The following MAML3 variants were observed in gnomAD, a reference collection of about 807,000 sequenced individuals.
The protein encoded by MAML3 is mastermind like transcriptional coactivator 3, also known as mastermind-like protein 3.
A neutral mutation model predicts 101.9 loss-of-function variants in MAML3; 27 were observed. The observed-to-expected ratio is 0.27, with a 90% CI of 0.20 to 0.37. The LOEUF (loss-of-function observed/expected upper bound fraction) is 0.37, where lower values mean the gene tolerates loss of function less well. Ranked by LOEUF, MAML3 falls within the 10% of genes least tolerant of loss-of-function variation. The probability of loss-of-function intolerance (pLI) is 1.00; values close to 1 mark genes in which losing one functional copy is unlikely to be tolerated. For synonymous variants in MAML3, 501 were observed against 555.9 expected (o/e 0.90, Z 1.39); for missense variants, 1,316 against 1,444.9 (o/e 0.91, Z 1.45).
intron 1 of MAML3, chr4:140,127,954 C>A (rs1728709907): frequency 6.6e-6 from 1 of 152,186 alleles, no homozygotes; most frequent in South Asian, 2.1e-4. Flanking sequence ...GTCAAAGTGA[C>A]CTATTGTGAC....
chr4:139,745,797 TTTGACAGGGAGTAGAACA>T (rs1729301176), intron 2 of MAML3, among the ~76,000 whole-genome samples: 1 of 152,238 alleles, frequency 6.6e-6, no homozygotes, highest in Non-Finnish European at 1.5e-5. Flanking sequence ...CCACCTGGTT[TTTGACAGGGAGTAGAACA>T]GTAGGTATAT....
At chr4:139,948,198 A>G (rs183353366) in intron 1 of MAML3, among the ~76,000 whole-genome samples, 43 of 152,270 alleles carry the variant, frequency 2.8e-4, no homozygotes, top group African/African-American at 1.0e-3. Flanking sequence ...ACAAAAGTCT[A>G]TGTGGAAAAA....
intron 1 of MAML3, among the ~76,000 whole-genome samples, chr4:140,139,985 T>C (rs896759857): frequency 6.6e-6 from 1 of 152,164 alleles, no homozygotes; most frequent in Non-Finnish European, 1.5e-5. Context: ...GGAAAAGTTG[T>C]AGGTTGAAAT....
intron 2 of MAML3, among the ~76,000 whole-genome samples, chr4:139,878,789 CCT>C: frequency 6.6e-6 from 1 of 152,270 alleles, no homozygotes; most frequent in Admixed American, 6.5e-5. Context: ...TTGTGGCTGA[CCT>C]CTGTGCCTGA....
At chr4:139,835,857 A>G (rs1156418145) in intron 2 of MAML3, among the ~76,000 whole-genome samples, 1 of 152,226 alleles carries the variant, frequency 6.6e-6, no homozygotes, top group East Asian at 1.9e-4. Flanking sequence ...AAAGGAAGTC[A>G]ATTTAAACGC....
At chr4:139,726,829 T>C (rs888382329) in intron 3 of MAML3, among the ~76,000 whole-genome samples, 17 of 152,222 alleles carry the variant, frequency 1.1e-4, no homozygotes, top group African/African-American at 3.9e-4. Flanking sequence ...CTGGGAAGGC[T>C]ATTATCATTA....
chr4:139,721,838 G>A (rs925442361), intron 4 of MAML3, among the ~76,000 whole-genome samples: 2 of 152,170 alleles, frequency 1.3e-5, no homozygotes, highest in South Asian at 4.1e-4. Flanking sequence ...ACACTGGAAG[G>A]TAGTATATAC....
At chr4:140,069,544 AGGAGGAGGAGGAGG>A (rs1201924691) in intron 1 of MAML3, among the ~76,000 whole-genome samples, 910 of 88,746 alleles carry the variant, frequency 0.01, 43 homozygotes, top group African/African-American at 0.04. Flanking sequence ...AGGAAGAAGA[AGGAGGAGGAGGAGG>A]GGAGGAGGAG....
intron 2 of MAML3, among the ~76,000 whole-genome samples, chr4:139,739,428 T>C (rs1468644693): frequency 6.6e-6 from 1 of 152,242 alleles, no homozygotes; most frequent in Non-Finnish European, 1.5e-5. Context: ...AGAGTTATGC[T>C]TTTCGTCTGC....
At chr4:140,065,769 C>T (rs540949737) in intron 1 of MAML3, among the ~76,000 whole-genome samples, 21 of 152,252 alleles carry the variant, frequency 1.4e-4, no homozygotes, top group African/African-American at 5.1e-4. Context: ...CAATTGAATC[C>T]ATGTGAGATT....
At chr4:139,914,538 G>A (rs1457663954) in intron 1 of MAML3, among the ~76,000 whole-genome samples, 2 of 152,096 alleles carry the variant, frequency 1.3e-5, no homozygotes, top group Non-Finnish European at 2.9e-5. Context: ...TGTAAAGGTG[G>A]CAGGTCTCTC....
intron 1 of MAML3, among the ~76,000 whole-genome samples, chr4:140,104,603 T>C (rs1453647827): frequency 6.7e-6 from 1 of 149,016 alleles, no homozygotes; most frequent in Non-Finnish European, 1.5e-5. Flanking sequence ...AGTGATCCTC[T>C]TACCTCAGCC....
At chr4:139,978,957 C>T (rs755528436) in intron 1 of MAML3, among the ~76,000 whole-genome samples, 1 of 68,728 alleles carries the variant, frequency 1.5e-5, no homozygotes, top group African/African-American at 4.0e-5. Flanking sequence ...TCTATGACTA[C>T]TTTCAAAGAG....
intron 1 of MAML3, among the ~76,000 whole-genome samples, chr4:140,088,201 A>T (rs901427717): frequency 1.3e-5 from 2 of 151,902 alleles, no homozygotes; most frequent in African/African-American, 4.8e-5. Context: ...CTGGGCAAAA[A>T]AGTGTGATGG....
chr4:139,730,298 G>A (rs890657156), intron 3 of MAML3, 118 bp downstream of exon 3: 3 of 881,820 alleles, frequency 3.4e-6, no homozygotes, highest in African/African-American at 3.3e-5. Context: ...CCTGGGAAAT[G>A]CTAGACCGTG....
intron 1 of MAML3, among the ~76,000 whole-genome samples, chr4:140,111,966 AT>A (rs1728445713): frequency 6.6e-6 from 1 of 152,138 alleles, no homozygotes; most frequent in African/African-American, 2.4e-5. Context: ...TCATTCCTTT[AT>A]AGACTGACCC....
intron 2 of MAML3, among the ~76,000 whole-genome samples, chr4:139,801,643 G>GT (rs1560798508): frequency 0.016 from 494 of 30,734 alleles, 2 homozygotes; most frequent in African/African-American, 0.038. Flanking sequence ...GGTGTGTGTG[G>GT]GTGTGTGTGT....
chr4:139,740,985 G>A (rs749127766), intron 2 of MAML3, among the ~76,000 whole-genome samples: 11 of 152,174 alleles, frequency 7.2e-5, no homozygotes, highest in Non-Finnish European at 1.5e-4. Flanking sequence ...AGCCTGCTCT[G>A]CCGGTTTCCC....
chr4:140,003,667 C>T (rs929987285), intron 1 of MAML3, among the ~76,000 whole-genome samples: 9 of 152,154 alleles, frequency 5.9e-5, no homozygotes, highest in Non-Finnish European at 8.8e-5. Context: ...TTGCCAGCAA[C>T]GTCTGTCAAA....
Sources: gnomAD v4.1 joint callset for allele counts (sites outside exome capture counted in the v4.1 genomes callset) on GRCh38, gnomAD v4.1.1 for gene constraint, MANE v1.5 for transcripts, NCBI Gene and HGNC (gene_info 2026-07-23, HGNC 2026-07-21) for gene names.